The following DACH2 variants were observed in gnomAD, a reference collection of about 807,000 sequenced individuals.
DACH2 encodes the protein dachshund homolog 2.
A neutral mutation model predicts 35.8 loss-of-function variants in DACH2; 17 were observed. The ratio of observed to expected loss-of-function variants is 0.48; its 90% CI spans 0.33 to 0.71. The LOEUF is 0.71. Ranked by LOEUF, DACH2 falls within the 30% of genes least tolerant of loss-of-function variation. The probability of loss-of-function intolerance (pLI) is 0.02; values close to 1 mark genes in which losing one functional copy is unlikely to be tolerated. For synonymous variants in DACH2, 195 were observed against 177.3 expected, an observed-to-expected ratio of 1.10 and a Z score of -0.79; for missense variants, 469 against 472.7, an observed-to-expected ratio of 0.99 and a Z score of 0.07.
intron 2 of DACH2, among the ~76,000 whole-genome samples, chrX:86,389,831 G>A (rs1043158545): frequency 8.9e-6 from 1 of 112,254 alleles, no homozygotes; most frequent in Non-Finnish European, 1.9e-5. Context: ...ACTCGATAAC[G>A]AGCTTAAGTG....
chrX:86,450,023 G>A (rs766843198), intron 2 of DACH2, among the ~76,000 whole-genome samples: 1 of 111,235 alleles, frequency 9.0e-6, no homozygotes, highest in South Asian at 3.7e-4. Context: ...TTTACTTTCA[G>A]TTTGAAGAAC....
intron 4 of DACH2, among the ~76,000 whole-genome samples, chrX:86,652,680 C>A (rs1402604534): frequency 8.9e-6 from 1 of 112,104 alleles, no homozygotes; most frequent in Admixed American, 9.5e-5. Context: ...TTTTGATTTG[C>A]ATTTCTCTAA....
chrX:86,677,156 C>A (rs772001323), intron 4 of DACH2, among the ~76,000 whole-genome samples: 70 of 111,841 alleles, frequency 6.3e-4, no homozygotes, highest in African/African-American at 2.1e-3. Context: ...TTAGTCGCTG[C>A]CTAAACATAT....
intron 2 of DACH2, among the ~76,000 whole-genome samples, chrX:86,408,871 G>A (rs2036566033): frequency 9.0e-6 from 1 of 111,674 alleles, no homozygotes. Flanking sequence ...ATCGAATATT[G>A]TGCATGTTAG....
chrX:86,467,403 A>G (rs2037689618), intron 2 of DACH2, among the ~76,000 whole-genome samples: 1 of 111,732 alleles, frequency 8.9e-6, no homozygotes, highest in Admixed American at 9.6e-5. Context: ...CCTGGACTTT[A>G]TTGTTCATAT....
At chrX:86,178,458 A>G (rs1404312284) in intron 1 of DACH2, among the ~76,000 whole-genome samples, 2 of 111,607 alleles carry the variant, frequency 1.8e-5, no homozygotes, top group Non-Finnish European at 1.9e-5. Flanking sequence ...CATGGATGTA[A>G]GTACTGAAAA....
chrX:86,687,282 A>T (rs1254529953), intron 4 of DACH2, among the ~76,000 whole-genome samples: 1 of 111,258 alleles, frequency 9.0e-6, no homozygotes. Flanking sequence ...GCCAACAGAC[A>T]TGAAAAAAAA....
At position 86,536,019 on chromosome X, in the gene DACH2, G is replaced by T. The variant is rs1021907440; in HGVS notation, c.640+21628G>T. On this transcript the variant is annotated intron_variant, in intron 3 of 11. Coordinates refer to ENST00000373125, the MANE Select transcript of DACH2 (RefSeq NM_053281.3). ...GTGTTACAAGGAACTGGAATTGGGA[G>T]CATAGATAAGGTCTGCTGGTCACAG... 2.7e-5 allele frequency among the ~76,000 whole-genome samples: 3 copies of T among 110,876 alleles called. No individual in the cohort carries two copies. In the South Asian group the frequency reaches 1.2e-3, roughly 43 times the overall value.
At position 86,788,481 on chromosome X, in the gene DACH2, T is replaced by C. The variant is rs531742123; in HGVS notation, c.1241-24375T>C. Among the ~76,000 whole-genome samples, 48 of 112,005 alleles carry C rather than the reference T, an allele frequency of 4.3e-4. 1 individual carries two copies. The highest frequency in any genetic ancestry group is 9.3e-3 in the Middle Eastern group (2 of 216). On this transcript the variant is annotated intron_variant, in intron 7 of 11. Coordinates refer to ENST00000373125, the MANE Select transcript of DACH2 (RefSeq NM_053281.3). ...CTAATTTGAGACCCCATGTATGCAA[T>C]TGAATTTTCTTCTACATGTTGCATG...
chrX:86,170,438 G>T (rs747868086), intron 1 of DACH2, among the ~76,000 whole-genome samples: 83 of 112,189 alleles, frequency 7.4e-4, no homozygotes, highest in Non-Finnish European at 1.2e-3. Context: ...GGACGGCAAG[G>T]TCCTCTTGGC....
chrX:86,383,630 C>A (rs1430156387), intron 2 of DACH2, among the ~76,000 whole-genome samples: 1 of 102,759 alleles, frequency 9.7e-6, no homozygotes, highest in Non-Finnish European at 2.0e-5. Context: ...AAAATATTTT[C>A]TTTTATTATT....
In DACH2 at chrX:86,478,755, C is replaced by T. The variant is rs1398570090; in HGVS notation, c.528-35524C>T. Among the ~76,000 whole-genome samples the T allele has an allele frequency of 5.5e-5, 6 of 108,941 alleles. 1 individual carries two copies. The highest frequency in any genetic ancestry group is 6.7e-5 in the African/African-American group (2 of 29,918). The allele number at this position is 108,941 out of a possible 115,157, so 94.6% of individuals were successfully genotyped here. A position where few individuals can be genotyped will look rare whatever the true frequency, so the allele number is the denominator to read the frequency against. On this transcript the variant is annotated intron_variant, in intron 2 of 11. Coordinates refer to ENST00000373125, the MANE Select transcript of DACH2 (RefSeq NM_053281.3). ...AGACAGCCAGGCAGGTCTTGAGGAG[C>T]ATTTTTGGGCTTCGACCCATGGGCA...
intron 7 of DACH2, among the ~76,000 whole-genome samples, chrX:86,795,232 CTT>C (rs35324617): frequency 2.7e-4 from 23 of 85,140 alleles, no homozygotes; most frequent in Admixed American, 2.7e-4. Flanking sequence ...GAAGCATGTT[CTT>C]TTTTTTTTTT....
At chrX:86,349,870 C>T (rs953492148) in intron 1 of DACH2, among the ~76,000 whole-genome samples, 1 of 111,678 alleles carries the variant, frequency 9.0e-6, no homozygotes, top group African/African-American at 3.3e-5. Flanking sequence ...TTTATTTACA[C>T]TACAGTTAGT....
intron 1 of DACH2, among the ~76,000 whole-genome samples, chrX:86,306,706 G>C (rs1397066118): frequency 9.0e-6 from 1 of 111,525 alleles, no homozygotes; most frequent in African/African-American, 3.3e-5. Context: ...ACTTGGACTG[G>C]CTCTCCTTGC....
At chrX:86,363,939 T>A (rs2035772366) in intron 1 of DACH2, among the ~76,000 whole-genome samples, 1 of 111,552 alleles carries the variant, frequency 9.0e-6, no homozygotes, top group Non-Finnish European at 1.9e-5. Context: ...GGGTTTCTTT[T>A]ATTTTTTGGC....
intron 2 of DACH2, among the ~76,000 whole-genome samples, chrX:86,464,441 T>C (rs764161904): frequency 9.0e-6 from 1 of 111,256 alleles, no homozygotes; most frequent in African/African-American, 3.3e-5. Flanking sequence ...ACACCGCATG[T>C]TCTCACTCAT....
At chrX:86,346,788 A>C (rs909041421) in intron 1 of DACH2, among the ~76,000 whole-genome samples, 1 of 111,876 alleles carries the variant, frequency 8.9e-6, no homozygotes, top group Non-Finnish European at 1.9e-5. Flanking sequence ...AAATGTGACC[A>C]CATACAATCA....
intron 1 of DACH2, among the ~76,000 whole-genome samples, chrX:86,330,568 A>G (rs1326744924): frequency 1.8e-5 from 2 of 111,764 alleles, no homozygotes; most frequent in South Asian, 3.7e-4. Context: ...CTTGGAAGTC[A>G]GTGATGTGTT....
Sources: allele counts gnomAD v4.1 joint callset (sites outside exome capture counted in the v4.1 genomes callset), GRCh38; gene constraint gnomAD v4.1.1; transcripts MANE v1.5; gene names NCBI Gene and HGNC (gene_info 2026-07-23, HGNC 2026-07-21).